FGD6: variants seen among roughly 807,000 people sequenced by gnomAD.
FGD6 encodes FYVE, RhoGEF and PH domain-containing protein 6.
Under a neutral mutation model 149.4 loss-of-function variants are expected in FGD6, and 90 were observed. The ratio of observed to expected loss-of-function variants is 0.60; its 90% CI spans 0.51 to 0.72. The LOEUF is 0.72. Among genes scored for constraint, FGD6 ranks in the 30% least tolerant of loss-of-function variants. The probability of loss-of-function intolerance (pLI) is 0.00; values close to 1 mark genes in which losing one functional copy is unlikely to be tolerated. For synonymous variants in FGD6, 527 were observed against 584.0 expected (o/e 0.90, Z 1.41); for missense variants, 1,437 against 1,684.8 (o/e 0.85, Z 2.57).
At chr12:95,098,194 G>A (rs1440671736) in intron 14 of FGD6, among the ~76,000 whole-genome samples, 1 of 152,026 alleles carries the variant, frequency 6.6e-6, no homozygotes, top group African/African-American at 2.4e-5. Flanking sequence ...CTCCCCTAAA[G>A]CTGTTCCTCT....
intron 5 of FGD6, among the ~76,000 whole-genome samples, chr12:95,149,414 A>ATGC (rs1880222979): frequency 7.9e-6 from 1 of 125,822 alleles, no homozygotes; most frequent in African/African-American, 3.0e-5. Context: ...AATATATAGC[A>ATGC]TACTATATAA....
At chr12:95,103,846 G>A (rs902540708) in intron 14 of FGD6, among the ~76,000 whole-genome samples, 8 of 152,114 alleles carry the variant, frequency 5.3e-5, no homozygotes, top group African/African-American at 1.9e-4. Flanking sequence ...CATAACAATG[G>A]ACTTAAAAGC....
intron 7 of FGD6, 130 bp downstream of exon 7, chr12:95,137,392 T>A: frequency 1.3e-6 from 1 of 749,542 alleles, no homozygotes; most frequent in Middle Eastern, 3.2e-4. Flanking sequence ...ATTCCATCTT[T>A]GATTTTGAAG....
Position 95,153,951 on chromosome 12 carries a change from G to C in FGD6, c.2587-958C>G, listed in dbSNP as rs1592854934. 3.5e-5 allele frequency among the ~76,000 whole-genome samples: 3 copies of C among 85,568 alleles called. No individual in the cohort carries two copies. In the East Asian group the frequency reaches 8.4e-4, roughly 24 times the overall value. 56.1% of individuals were successfully genotyped at this position (85,568 alleles called of 152,430 possible). ...TGTGTGTGTGTGTGTGTGTGTGAGT[G>C]AGAGAGAGAAGAGACAGAGAGAGAG... On this transcript the variant is annotated intron_variant, in intron 3 of 20. Transcript: ENST00000343958.
At chr12:95,195,872 A>G (rs1488198693) in intron 2 of FGD6, among the ~76,000 whole-genome samples, 2 of 150,706 alleles carry the variant, frequency 1.3e-5, no homozygotes, top group African/African-American at 4.9e-5. Context: ...ATAAAATTAT[A>G]TAGAATTAAA....
chr12:95,108,483 A>G lies in FGD6; in HGVS notation c.3192+20T>C. On this transcript the variant is annotated intron_variant, in intron 10 of 20. Transcript: ENST00000343958. ...TTTCAGGTTCAAGACCACACCAGCC[A>G]CTGACAACAAGACACTTACTCCTTG... 6.2e-7 allele frequency: 1 copy of G among 1,614,098 alleles called. No homozygotes were observed. Among genetic ancestry groups the G allele is most frequent in the Non-Finnish European group, 8.5e-7 (1 of 1,179,956 alleles).
At chr12:95,112,898 C>T (rs930220764) in intron 9 of FGD6, among the ~76,000 whole-genome samples, 5 of 152,106 alleles carry the variant, frequency 3.3e-5, no homozygotes, top group African/African-American at 4.8e-5. Context: ...TAGACTCATC[C>T]CTGCTTTGTA....
rs963781854 is a variant in FGD6, at chr12:95,080,390, T to G, written c.*1130A>C. On this transcript the variant is annotated 3_prime_UTR_variant, in exon 21 of 21. Coordinates refer to ENST00000343958, the MANE Select transcript of FGD6 (RefSeq NM_018351.4). ...GCAAGGTAGTTCATATGTTAAACAG[T>G]AAGTGCACCAGAATTATGAATCTAA... 1 of 152,160 alleles carries G rather than the reference T, an allele frequency of 6.6e-6. No individual in the cohort carries two copies. The highest frequency in any genetic ancestry group is 1.5e-5 in the Non-Finnish European group (1 of 68,014). 9.4% of individuals were successfully genotyped at this position (152,160 alleles called of 1,614,324 possible).
chr12:95,106,949 C>T lies in FGD6; in HGVS notation c.3417+5G>A, dbSNP rs1309798083. ...AAAAACAAAACATCTAACAGATGCA[C>T]ACACCTTCATTCCAGCCAGTGAGAG... On this transcript the variant is annotated splice_donor_5th_base_variant and intron_variant, in intron 13 of 20. Transcript: ENST00000343958. 1 of 1,594,726 alleles carries T rather than the reference C, an allele frequency of 6.3e-7. No homozygotes were observed.
intron 14 of FGD6, among the ~76,000 whole-genome samples, chr12:95,096,718 G>A (rs1878242624): frequency 6.6e-6 from 1 of 152,144 alleles, no homozygotes; most frequent in Non-Finnish European, 1.5e-5. Flanking sequence ...CTGAGAATTA[G>A]TAATGTTTGA....
intron 8 of FGD6, among the ~76,000 whole-genome samples, chr12:95,129,971 G>A (rs1879471854): frequency 6.6e-6 from 1 of 152,096 alleles, no homozygotes; most frequent in African/African-American, 2.4e-5. Flanking sequence ...ATCATGCCCA[G>A]CCAAAATTTA....
At chr12:95,164,594 C>T (rs887379838) in intron 3 of FGD6, among the ~76,000 whole-genome samples, 1 of 152,064 alleles carries the variant, frequency 6.6e-6, no homozygotes, top group South Asian at 2.1e-4. Context: ...CTGTGCCTAG[C>T]TAATTTTTGT....
intron 2 of FGD6, among the ~76,000 whole-genome samples, chr12:95,193,934 T>C (rs1389134069): frequency 6.6e-6 from 1 of 152,022 alleles, no homozygotes; most frequent in African/African-American, 2.4e-5. Context: ...TATTTTATAT[T>C]TTATTTTTAT....
At chr12:95,107,885 G>A (rs932791946) in intron 11 of FGD6, among the ~76,000 whole-genome samples, 4 of 152,106 alleles carry the variant, frequency 2.6e-5, no homozygotes, top group African/African-American at 7.2e-5. Context: ...TTGACTGAGC[G>A]TGTACTTGAT....
At chr12:95,135,094 G>A (rs1025924487) in intron 7 of FGD6, among the ~76,000 whole-genome samples, 4 of 152,166 alleles carry the variant, frequency 2.6e-5, no homozygotes, top group African/African-American at 4.8e-5. Context: ...CTCAAAGAGC[G>A]TGGTAGCCAC....
chr12:95,163,111 G>A lies in FGD6; in HGVS notation c.2586+9489C>T, dbSNP rs75004671. Among the ~76,000 whole-genome samples, 504 of 152,154 alleles carry A rather than the reference G, an allele frequency of 3.3e-3. 4 individuals carry two copies. The highest frequency in any genetic ancestry group is 0.011 in the African/African-American group (475 of 41,536). On this transcript the variant is annotated intron_variant, in intron 3 of 20. Transcript: ENST00000343958. ...GATAACAAAGATTCAAGTTTCTTTC[G>A]CCAAGGGTATTAGGCATTTCTCAAC...
chr12:95,112,335 C>T (rs987113677), intron 9 of FGD6, among the ~76,000 whole-genome samples: 1 of 151,974 alleles, frequency 6.6e-6, no homozygotes, highest in Admixed American at 6.6e-5. Flanking sequence ...CATGGTGGCT[C>T]ACATCTGTAA....
intron 8 of FGD6, among the ~76,000 whole-genome samples, 179 bp from the exon 9 acceptor site, chr12:95,113,880 A>C (rs1176878846): frequency 6.6e-6 from 1 of 152,228 alleles, no homozygotes; most frequent in African/African-American, 2.4e-5. Context: ...ATCAAGACAT[A>C]GAGTCAGAGC....
At position 95,092,713 on chromosome 12, in the gene FGD6, G is replaced by A. The variant is rs781251883; in HGVS notation, c.3733C>T (p.Arg1245Trp). 2.5e-6 allele frequency: 4 copies of A among 1,613,870 alleles called. No individual in the cohort carries two copies. The highest frequency in any genetic ancestry group is 1.1e-5 in the South Asian group (1 of 91,060). ...TCATCGCCAACCTTTCCACAGGCCC[G>A]GCAGTGGTGTCGTCTCCAGGTGAGA... The part of the protein sequence containing the change: ...FTLTWRRHHC[R>W]ACGKIVCQAC... The change falls in exon 16 of 21, where the codon CGG becomes TGG. Residue 1245 changes from arginine to tryptophan, a missense_variant. Coordinates refer to ENST00000343958, the MANE Select transcript of FGD6 (RefSeq NM_018351.4).
Sources: gnomAD v4.1 joint callset for allele counts (sites outside exome capture counted in the v4.1 genomes callset) on GRCh38, gnomAD v4.1.1 for gene constraint, MANE v1.5 for transcripts, NCBI Gene and HGNC (gene_info 2026-07-23, HGNC 2026-07-21) for gene names.